Variants in CDH13 observed in about 807,000 individuals in gnomAD.
CDH13 encodes cadherin 13, also known as cadherin-13.
CDH13 carries 24 observed loss-of-function variants against 63.8 expected under a neutral mutation model. The ratio of observed to expected loss-of-function variants is 0.38; its 90% confidence interval spans 0.27 to 0.53. CDH13 has a LOEUF of 0.53. CDH13 is among the 20% of genes least tolerant of loss of function. CDH13 has a pLI of 0.85. For synonymous variants in CDH13, 503 were observed against 355.3 expected (o/e 1.42, Z -4.67); for missense variants, 1,049 against 903.1 (o/e 1.16, Z -2.07).
intron 1 of CDH13, among the ~76,000 whole-genome samples, chr16:82,636,064 T>A (rs1023858764): frequency 6.6e-6 from 1 of 152,132 alleles, no homozygotes; most frequent in East Asian, 1.9e-4. Flanking sequence ...CCCAGGCAGT[T>A]CTTTATAGCA....
chr16:83,616,674 A>G (rs1219298781), intron 8 of CDH13, among the ~76,000 whole-genome samples: 1 of 152,188 alleles, frequency 6.6e-6, no homozygotes, highest in African/African-American at 2.4e-5. Context: ...GCAGAATGAG[A>G]ACACAGGAGT....
At chr16:83,328,526 G>T (rs541014716) in intron 5 of CDH13, among the ~76,000 whole-genome samples, 4 of 152,290 alleles carry the variant, frequency 2.6e-5, no homozygotes, top group South Asian at 2.1e-4. Context: ...AAGATCGTGT[G>T]GAAACCTGTG....
chr16:83,065,732 A>C (rs937250771), intron 3 of CDH13, among the ~76,000 whole-genome samples: 9 of 150,546 alleles, frequency 6.0e-5, no homozygotes, highest in African/African-American at 2.4e-5. Context: ...AAAAAAACAA[A>C]AAAAAAAAAA....
chr16:83,090,584 A>AAT (rs1303686007), intron 3 of CDH13, among the ~76,000 whole-genome samples: 1 of 151,654 alleles, frequency 6.6e-6, no homozygotes, highest in Non-Finnish European at 1.5e-5. Context: ...AAAAAAAAAA[A>AAT]AAAAAATAAG....
intron 1 of CDH13, among the ~76,000 whole-genome samples, chr16:82,784,377 G>A (rs1261662106): frequency 6.6e-6 from 1 of 152,154 alleles, no homozygotes; most frequent in Non-Finnish European, 1.5e-5. Context: ...TTGGTCAAAT[G>A]ACCACACCTA....
At chr16:83,010,553 A>G (rs1040205210) in intron 2 of CDH13, among the ~76,000 whole-genome samples, 1 of 151,976 alleles carries the variant, frequency 6.6e-6, no homozygotes, top group Admixed American at 6.6e-5. Flanking sequence ...CACACATTTT[A>G]TTTCTCCTGC....
rs189418853 is a variant in CDH13 at position 83,484,790 on chromosome 16, A to G, written c.782-1687A>G. 2.8e-3 allele frequency among the ~76,000 whole-genome samples: 421 copies of G among 152,300 alleles called. 3 individuals are homozygous for G. The highest frequency in any genetic ancestry group is 9.6e-3 in the African/African-American group (401 of 41,560). On this transcript the variant is annotated intron_variant, in intron 6 of 13. Coordinates refer to ENST00000567109, the MANE Select transcript of CDH13 (RefSeq NM_001257.5). ...ATTGTGGCATGTTCTGTGTGTAAGC[A>G]TGTTCACAAAAATGGTATCACTATC...
intron 6 of CDH13, among the ~76,000 whole-genome samples, chr16:83,375,922 C>T (rs139209585): frequency 1.3e-5 from 2 of 152,118 alleles, no homozygotes; most frequent in East Asian, 3.9e-4. Flanking sequence ...GAGAGGCAGA[C>T]GTCATGCAGA....
chr16:83,467,979 C>G (rs1446891452), intron 6 of CDH13, among the ~76,000 whole-genome samples: 1 of 152,180 alleles, frequency 6.6e-6, no homozygotes, highest in African/African-American at 2.4e-5. Context: ...TTTTTCTCCT[C>G]TGGTTCCATT....
rs1389198352 is a variant in CDH13, at chr16:82,805,828, G to A, written c.46-52534G>A. On this transcript the variant is annotated intron_variant, in intron 1 of 13. Transcript: ENST00000567109. ...CCATATCAGACAGAGAAATAAGGAT[G>A]TGTGTGAAGGTATGAATCTCCGGTT... 2.0e-5 allele frequency among the ~76,000 whole-genome samples: 3 copies of A among 152,190 alleles called. No individual in the cohort carries two copies. In the East Asian group the frequency reaches 5.8e-4, roughly 29 times the overall value.
chr16:82,865,134 C>T (rs997458553), intron 2 of CDH13, among the ~76,000 whole-genome samples: 1 of 152,218 alleles, frequency 6.6e-6, no homozygotes, highest in Non-Finnish European at 1.5e-5. Context: ...TTGTGGGGTA[C>T]AGCCCCACTC....
intron 2 of CDH13, among the ~76,000 whole-genome samples, chr16:82,932,893 T>A (rs1276147865): frequency 6.6e-6 from 1 of 152,220 alleles, no homozygotes; most frequent in South Asian, 2.1e-4. Context: ...AGTTGACTAG[T>A]AGAGAATGAA....
chr16:83,759,608 G>C (rs987502717), intron 11 of CDH13, among the ~76,000 whole-genome samples: 1 of 152,080 alleles, frequency 6.6e-6, no homozygotes, highest in Non-Finnish European at 1.5e-5. Flanking sequence ...GTAACCTACA[G>C]AGTAGAAGAT....
chr16:83,474,506 G>T (rs1294659090), intron 6 of CDH13, among the ~76,000 whole-genome samples: 1 of 152,118 alleles, frequency 6.6e-6, no homozygotes, highest in Middle Eastern at 3.2e-3. Flanking sequence ...AGCAGCCAGG[G>T]TTGCAAGGCA....
At chr16:83,603,608 G>A (rs1026523105) in intron 8 of CDH13, among the ~76,000 whole-genome samples, 1 of 152,044 alleles carries the variant, frequency 6.6e-6, no homozygotes, top group African/African-American at 2.4e-5. Context: ...AACCTCCAGG[G>A]TGTTTGGAGA....
chr16:82,759,195 C>T (rs943272489), intron 1 of CDH13, among the ~76,000 whole-genome samples: 4 of 152,340 alleles, frequency 2.6e-5, no homozygotes, highest in Middle Eastern at 3.4e-3. Flanking sequence ...AGAGTGTCCC[C>T]ACTGGGAGTG....
At chr16:82,808,980 T>C (rs1418559124) in intron 1 of CDH13, among the ~76,000 whole-genome samples, 1 of 152,202 alleles carries the variant, frequency 6.6e-6, no homozygotes, top group Non-Finnish European at 1.5e-5. Context: ...CATGTATCTG[T>C]AGATATGTGT....
intron 5 of CDH13, among the ~76,000 whole-genome samples, chr16:83,337,997 G>T (rs2090635709): frequency 6.6e-6 from 1 of 152,066 alleles, no homozygotes; most frequent in South Asian, 2.1e-4. Context: ...AGGGGAATGT[G>T]AGTGTTACAG....
intron 1 of CDH13, among the ~76,000 whole-genome samples, chr16:82,711,603 C>G (rs7204573): frequency 1.6e-3 from 238 of 152,328 alleles, no homozygotes; most frequent in Non-Finnish European, 2.3e-3. Flanking sequence ...GACAAAGACA[C>G]TGAGATCCAG....
Sources: gnomAD v4.1 joint callset for allele counts (sites outside exome capture counted in the v4.1 genomes callset) on GRCh38, gnomAD v4.1.1 for gene constraint, MANE v1.5 for transcripts, NCBI Gene and HGNC (gene_info 2026-07-23, HGNC 2026-07-21) for gene names.